CLSTN2: variants seen among roughly 807,000 people sequenced by gnomAD.
CLSTN2 encodes the protein calsyntenin-2.
CLSTN2 carries 48 observed loss-of-function variants against 101.2 expected under a neutral mutation model. The ratio of observed to expected loss-of-function variants is 0.47; its 90% CI spans 0.38 to 0.60. The LOEUF (loss-of-function observed/expected upper bound fraction) is 0.60, where lower values mean the gene tolerates loss of function less well. Ranked by LOEUF, CLSTN2 falls within the 20% of genes least tolerant of loss-of-function variation. The probability of loss-of-function intolerance (pLI) is 0.00; values close to 1 mark genes in which losing one functional copy is unlikely to be tolerated. For synonymous variants in CLSTN2, 481 were observed against 463.6 expected (o/e 1.04, Z -0.48); for missense variants, 1,160 against 1,238.2 (o/e 0.94, Z 0.95).
chr3:140,010,820 T>C (rs2007057804), intron 1 of CLSTN2, among the ~76,000 whole-genome samples: 1 of 152,284 alleles, frequency 6.6e-6, no homozygotes, highest in Non-Finnish European at 1.5e-5. Context: ...ACTGGCTTCA[T>C]TGTTGTGAGG....
At chr3:140,340,371 A>G (rs928863736) in intron 2 of CLSTN2, among the ~76,000 whole-genome samples, 1 of 152,242 alleles carries the variant, frequency 6.6e-6, no homozygotes, top group African/African-American at 2.4e-5. Flanking sequence ...TAAAAAACAT[A>G]AGTGTAGAAT....
At chr3:140,115,869 A>G (rs1194531585) in intron 1 of CLSTN2, among the ~76,000 whole-genome samples, 2 of 152,224 alleles carry the variant, frequency 1.3e-5, no homozygotes, top group Non-Finnish European at 2.9e-5. Flanking sequence ...TCCTCTACAT[A>G]GAAGAGCTTC....
chr3:140,566,302 A>G lies in CLSTN2; in HGVS notation c.*49A>G. 6.6e-7 allele frequency: 1 copy of G among 1,520,014 alleles called. No individual in the cohort carries two copies. The highest frequency in any genetic ancestry group is 1.2e-5 in the South Asian group (1 of 83,326). 94.2% of individuals were successfully genotyped at this position (1,520,014 alleles called of 1,614,324 possible). A position where few individuals can be genotyped will look rare whatever the true frequency, so the allele number is the denominator to read the frequency against. On this transcript the variant is annotated 3_prime_UTR_variant, in exon 17 of 17. Coordinates refer to ENST00000458420, the MANE Select transcript of CLSTN2 (RefSeq NM_022131.3). The stretch of plus-strand genomic sequence containing the variant: ...CCACATGTCCCTTTTGTAAACCCTG[A>G]CCCAGTGTATGCCCATGTCTATCAT...
chr3:140,173,708 T>C (rs1265757944), intron 1 of CLSTN2, among the ~76,000 whole-genome samples: 3 of 152,212 alleles, frequency 2.0e-5, no homozygotes, highest in African/African-American at 7.2e-5. Flanking sequence ...TCTGTGCACC[T>C]GCAGGCTCAA....
At chr3:140,366,467 A>T (rs2087790606) in intron 2 of CLSTN2, among the ~76,000 whole-genome samples, 1 of 152,240 alleles carries the variant, frequency 6.6e-6, no homozygotes, top group South Asian at 2.1e-4. Context: ...CCAAGACACT[A>T]AAATGCATGG....
chr3:140,432,615 G>T (rs1462160382), intron 5 of CLSTN2, among the ~76,000 whole-genome samples: 1 of 152,142 alleles, frequency 6.6e-6, no homozygotes, highest in East Asian at 1.9e-4. Context: ...GATCATTAAG[G>T]TGCAGCAAAT....
intron 2 of CLSTN2, among the ~76,000 whole-genome samples, chr3:140,328,910 G>T (rs2087355783): frequency 6.6e-6 from 1 of 152,136 alleles, no homozygotes; most frequent in Non-Finnish European, 1.5e-5. Context: ...ATTTTCTAAT[G>T]ATGTGAGTTA....
At chr3:140,176,142 C>T (rs1007435185) in intron 2 of CLSTN2, 69 bp downstream of exon 2, 2 of 1,573,250 alleles carry the variant, frequency 1.3e-6, no homozygotes, top group Non-Finnish European at 1.7e-6. Context: ...CTCCACAAAG[C>T]CCAGAATATG....
intron 1 of CLSTN2, among the ~76,000 whole-genome samples, chr3:140,169,575 C>T (rs2010182218): frequency 6.6e-6 from 1 of 152,076 alleles, no homozygotes; most frequent in African/African-American, 2.4e-5. Flanking sequence ...ATTCTTTCAC[C>T]ATTAAGTATG....
At chr3:140,300,950 C>T (rs1022253032) in intron 2 of CLSTN2, among the ~76,000 whole-genome samples, 1 of 152,126 alleles carries the variant, frequency 6.6e-6, no homozygotes, top group Admixed American at 6.5e-5. Context: ...CAAAGGCCTG[C>T]AGACCAGAGG....
chr3:140,154,908 A>T (rs1243934014), intron 1 of CLSTN2, among the ~76,000 whole-genome samples: 3 of 151,984 alleles, frequency 2.0e-5, no homozygotes, highest in Non-Finnish European at 4.4e-5. Context: ...CCTGGGAAGT[A>T]CCACACTTTT....
In CLSTN2 at chr3:140,532,414, C is replaced by G; in HGVS notation, c.1435C>G (p.Leu479Val). The change falls in exon 9 of 17, where the codon CTG (leucine) becomes GTG (valine). Residue 479 changes from leucine (L) to valine (V), a missense_variant. By Grantham distance (32) the Leu-to-Val change is conservative. Coordinates refer to ENST00000458420, the MANE Select transcript of CLSTN2 (RefSeq NM_022131.3). ...YMDGATYEPYLVTNDWPIHPS... is the reference protein window; with the variant it reads ...YMDGATYEPYVVTNDWPIHPS... ...GGATGGAGCAACATATGAACCATAC[C>G]TGGTGACCAACGACTGGCCCATTCA... 1 of 1,613,994 alleles carries G rather than the reference C, an allele frequency of 6.2e-7. No individual in the cohort carries two copies. Among genetic ancestry groups the G allele is most frequent in the South Asian group, 1.1e-5 (1 of 91,056 alleles).
chr3:140,331,378 G>A (rs757919739), intron 2 of CLSTN2, among the ~76,000 whole-genome samples: 8 of 152,122 alleles, frequency 5.3e-5, no homozygotes, highest in Admixed American at 1.3e-4. Flanking sequence ...ACATGTCTGA[G>A]TCCTCTGAAA....
At chr3:140,278,277 C>T (rs935727618) in intron 2 of CLSTN2, among the ~76,000 whole-genome samples, 1 of 152,166 alleles carries the variant, frequency 6.6e-6, no homozygotes, top group Non-Finnish European at 1.5e-5. Flanking sequence ...CTGAGGTATG[C>T]ATGGTCCTCA....
At chr3:140,122,271 C>T (rs956706114) in intron 1 of CLSTN2, among the ~76,000 whole-genome samples, 1 of 152,152 alleles carries the variant, frequency 6.6e-6, no homozygotes, top group Non-Finnish European at 1.5e-5. Context: ...GCATCTTTAA[C>T]AGTATGAATC....
At chr3:139,990,429 C>T (rs1006781453) in intron 1 of CLSTN2, among the ~76,000 whole-genome samples, 2 of 152,062 alleles carry the variant, frequency 1.3e-5, no homozygotes, top group East Asian at 3.9e-4. Context: ...TAGGACCCGC[C>T]CCCTTACTTC....
intron 1 of CLSTN2, among the ~76,000 whole-genome samples, chr3:140,167,028 C>A (rs1259140483): frequency 1.3e-5 from 2 of 152,124 alleles, no homozygotes; most frequent in Non-Finnish European, 2.9e-5. Context: ...GGCTATGGAA[C>A]AGATTAAATA....
chr3:140,168,166 A>G (rs2010161601), intron 1 of CLSTN2, among the ~76,000 whole-genome samples: 1 of 152,180 alleles, frequency 6.6e-6, no homozygotes, highest in Non-Finnish European at 1.5e-5. Flanking sequence ...AAAAGTTCCA[A>G]TTACTTTACA....
chr3:140,130,205 T>A (rs1323652791), intron 1 of CLSTN2, among the ~76,000 whole-genome samples: 1 of 152,178 alleles, frequency 6.6e-6, no homozygotes, highest in Non-Finnish European at 1.5e-5. Flanking sequence ...CTGCACCGTG[T>A]GAATTTGGAA....
Sources: gnomAD v4.1 joint callset for allele counts (sites outside exome capture counted in the v4.1 genomes callset) on GRCh38, gnomAD v4.1.1 for gene constraint, MANE v1.5 for transcripts, NCBI Gene and HGNC (gene_info 2026-07-23, HGNC 2026-07-21) for gene names.